ZFYVE9: variants seen among roughly 807,000 people sequenced by gnomAD.
ZFYVE9 encodes the protein zinc finger FYVE-type containing 9.
In ZFYVE9, 43 loss-of-function variants were observed where a neutral mutation model predicts 126.7. The ratio of observed to expected loss-of-function variants is 0.34; its 90% CI spans 0.27 to 0.44. ZFYVE9 has a LOEUF of 0.44. Among genes scored for constraint, ZFYVE9 ranks in the 20% least tolerant of loss-of-function variants. ZFYVE9 has a pLI of 1.00. For synonymous variants in ZFYVE9, 521 were observed against 597.4 expected, an observed-to-expected ratio of 0.87 and a Z score of 1.87; for missense variants, 1,476 against 1,697.0, an observed-to-expected ratio of 0.87 and a Z score of 2.29.
chr1:52,196,105 A>G (rs528766925), intron 1 of ZFYVE9, among the ~76,000 whole-genome samples: 2 of 152,032 alleles, frequency 1.3e-5, no homozygotes, highest in East Asian at 3.9e-4. Context: ...ATAGTCTTAT[A>G]TTTGTCCACA....
At chr1:52,156,232 C>A (rs1206717908) in intron 1 of ZFYVE9, among the ~76,000 whole-genome samples, 1 of 152,188 alleles carries the variant, frequency 6.6e-6, no homozygotes, top group Non-Finnish European at 1.5e-5. Context: ...TGGCTGCATG[C>A]TGTGTACCCA....
chr1:52,279,124 G>A (rs891114324), intron 9 of ZFYVE9, among the ~76,000 whole-genome samples: 1 of 152,086 alleles, frequency 6.6e-6, no homozygotes, highest in Non-Finnish European at 1.5e-5. Context: ...GGAACTAACC[G>A]AAACTCTCAC....
At chr1:52,199,323 G>A (rs542155782) in intron 1 of ZFYVE9, among the ~76,000 whole-genome samples, 32 of 152,044 alleles carry the variant, frequency 2.1e-4, no homozygotes, top group African/African-American at 5.3e-4. Context: ...TCGGCTTCCC[G>A]AAGTGCTGGG....
At chr1:52,301,049 AG>A (rs1306384962) in intron 12 of ZFYVE9, among the ~76,000 whole-genome samples, 1 of 151,472 alleles carries the variant, frequency 6.6e-6, no homozygotes, top group Admixed American at 6.6e-5. Context: ...TAGTAGAGAC[AG>A]GGTTTCACTA....
At chr1:52,163,126 T>C in intron 1 of ZFYVE9, 1 of 220,138 alleles carries the variant, frequency 4.5e-6, no homozygotes, top group Non-Finnish European at 8.1e-6. Context: ...AAAATAGCCT[T>C]AAAAAAATTC....
chr1:52,155,028 C>T (rs933513921), intron 1 of ZFYVE9, among the ~76,000 whole-genome samples: 1 of 152,024 alleles, frequency 6.6e-6, no homozygotes, highest in Admixed American at 6.6e-5. Context: ...TCTTCTTGTG[C>T]CTTTTGGTTC....
intron 12 of ZFYVE9, 90 bp downstream of exon 12, chr1:52,296,067 C>T: frequency 8.7e-7 from 1 of 1,152,272 alleles, no homozygotes; most frequent in Middle Eastern, 2.1e-4. Flanking sequence ...GGTAGCTGTG[C>T]CCAAGCTGCT....
intron 13 of ZFYVE9, among the ~76,000 whole-genome samples, chr1:52,305,834 C>T (rs1364261070): frequency 2.0e-5 from 3 of 152,190 alleles, no homozygotes; most frequent in Non-Finnish European, 2.9e-5. Context: ...CTTTTCCCTG[C>T]TGTCAGCACC....
At chr1:52,143,121 C>T (rs758457400) in intron 1 of ZFYVE9, among the ~76,000 whole-genome samples, 12 of 152,110 alleles carry the variant, frequency 7.9e-5, no homozygotes, top group Non-Finnish European at 1.5e-4. Context: ...ACGTCTTTTA[C>T]AAAGGTCTGC....
chr1:52,313,409 TGAG>T (rs1483591803), intron 13 of ZFYVE9, among the ~76,000 whole-genome samples: 3 of 152,240 alleles, frequency 2.0e-5, no homozygotes, highest in South Asian at 4.2e-4. Context: ...CTCCCTGACT[TGAG>T]GAGACAGAGT....
At chr1:52,235,233 G>A (rs997480803) in intron 3 of ZFYVE9, among the ~76,000 whole-genome samples, 15 of 151,978 alleles carry the variant, frequency 9.9e-5, no homozygotes, top group South Asian at 2.1e-4. Flanking sequence ...TTCAAGCCTC[G>A]TGTTATCTTA....
intron 1 of ZFYVE9, among the ~76,000 whole-genome samples, chr1:52,198,110 G>GTTTTTTTTTTTTT (rs1329262004): frequency 2.5e-5 from 1 of 40,014 alleles, no homozygotes; most frequent in African/African-American, 5.8e-5. Flanking sequence ...ATATTGTAGT[G>GTTTTTTTTTTTTT]TTTTTTTTTG....
chr1:52,161,835 A>G (rs1471798799), intron 1 of ZFYVE9, among the ~76,000 whole-genome samples: 1 of 152,144 alleles, frequency 6.6e-6, no homozygotes, highest in Non-Finnish European at 1.5e-5. Flanking sequence ...TTTAAAAAGG[A>G]GTTCTTCATA....
At chr1:52,329,066 G>A (rs1305272124) in intron 13 of ZFYVE9, among the ~76,000 whole-genome samples, 2 of 152,120 alleles carry the variant, frequency 1.3e-5, no homozygotes, top group Non-Finnish European at 2.9e-5. Flanking sequence ...TTAAAGACCT[G>A]TGTAAATGGA....
At chr1:52,257,663 T>C (rs1645534960) in intron 4 of ZFYVE9, among the ~76,000 whole-genome samples, 1 of 152,230 alleles carries the variant, frequency 6.6e-6, no homozygotes. Flanking sequence ...AATTTGGATA[T>C]GAATCATATA....
chr1:52,337,919 A>G lies in ZFYVE9; in HGVS notation c.3818A>G (p.Lys1273Arg). Residue 1273 changes from lysine to arginine, a missense_variant, in exon 16 of 19, where the codon AAG (lysine) becomes AGG (arginine). Physicochemically the swap from Lys to Arg is conservative, Grantham distance 26. Transcript: ENST00000287727. ...CACATCCAGTGGGTGGATGATGACA[A>G]GAACGTTAGCAAGGGGTAAATGCAG... The part of the protein sequence containing the change: ...HIHIQWVDDD[K>R]NVSKGVVSPI... The G allele has an allele frequency of 6.2e-6, 10 of 1,614,218 alleles. No individual in the cohort carries two copies. Among genetic ancestry groups the G allele is most frequent in the Non-Finnish European group, 8.5e-6 (10 of 1,180,036 alleles).
chr1:52,221,787 G>A (rs1229552282), intron 2 of ZFYVE9, among the ~76,000 whole-genome samples: 1 of 152,178 alleles, frequency 6.6e-6, no homozygotes, highest in Non-Finnish European at 1.5e-5. Flanking sequence ...AGGCCAGAAT[G>A]GGGGCTGTTA....
At chr1:52,219,940 G>A (rs1210023633) in intron 2 of ZFYVE9, among the ~76,000 whole-genome samples, 1 of 151,998 alleles carries the variant, frequency 6.6e-6, no homozygotes, top group Non-Finnish European at 1.5e-5. Flanking sequence ...ACCACGCCCG[G>A]CTAATTTTTG....
At chr1:52,178,278 CAA>C (rs78982846) in intron 1 of ZFYVE9, among the ~76,000 whole-genome samples, 13 of 19,612 alleles carry the variant, frequency 6.6e-4, no homozygotes, top group African/African-American at 1.5e-3. Context: ...GACTCCATCT[CAA>C]AAAAAAAAAA....
Sources: gnomAD v4.1 joint callset for allele counts (sites outside exome capture counted in the v4.1 genomes callset) on GRCh38, gnomAD v4.1.1 for gene constraint, MANE v1.5 for transcripts, NCBI Gene and HGNC (gene_info 2026-07-23, HGNC 2026-07-21) for gene names.